The following RPP30 variants were observed in gnomAD, a reference collection of about 807,000 sequenced individuals.
RPP30 encodes ribonuclease P protein subunit p30.
Under a neutral mutation model 38.6 loss-of-function variants are expected in RPP30, and 36 were observed. The ratio of observed to expected loss-of-function variants is 0.93; its 90% CI spans 0.71 to 1.23. The LOEUF (loss-of-function observed/expected upper bound fraction) is 1.23. RPP30 is among the 50% of genes most tolerant of loss of function. The pLI is 0.00. For synonymous variants in RPP30, 126 were observed against 112.7 expected (o/e 1.12, Z -0.75); for missense variants, 321 against 321.7 (o/e 1.00, Z 0.02).
chr10:90,904,918 T>C (rs548783864), downstream of RPP30, among the ~76,000 whole-genome samples: 2 of 152,304 alleles, frequency 1.3e-5, no homozygotes, highest in African/African-American at 4.8e-5. Flanking sequence ...AATCTCTATC[T>C]CACACCCAAT....
At position 90,879,134 on chromosome 10, in the gene RPP30, T is replaced by C; in HGVS notation, c.342T>C (p.His114=). 1 of 1,612,106 alleles carries C rather than the reference T, an allele frequency of 6.2e-7. No individual in the cohort carries two copies. Among genetic ancestry groups the C allele is most frequent in the Non-Finnish European group, 8.5e-7 (1 of 1,178,228 alleles). ...TTCCAAAGACAGAAAAGCTTTTTCA[T>C]GTGAGTAACAGATAAGTAAAAGAAA... ...AVFPKTEKLF[H]IACTHLDVDL... The change falls in exon 5 of 11, where the codon CAT becomes CAC. Residue 114 remains histidine (H), a splice_region_variant and synonymous_variant. Coordinates refer to ENST00000371703, the MANE Select transcript of RPP30 (RefSeq NM_006413.5).
chr10:90,886,550 C>T (rs1847001901), intron 6 of RPP30, among the ~76,000 whole-genome samples: 2 of 152,276 alleles, frequency 1.3e-5, no homozygotes. Context: ...CCTCCCATTT[C>T]CATCATAAGG....
At chr10:90,890,550 T>C (rs554021356) in intron 6 of RPP30, among the ~76,000 whole-genome samples, 19 of 152,318 alleles carry the variant, frequency 1.2e-4, no homozygotes, top group African/African-American at 4.1e-4. Flanking sequence ...GTTCCATGAA[T>C]CATGCTATAA....
chr10:90,882,263 A>G (rs984357581), intron 5 of RPP30, among the ~76,000 whole-genome samples: 1 of 152,204 alleles, frequency 6.6e-6, no homozygotes, highest in Non-Finnish European at 1.5e-5. Context: ...AGTTTAAAAA[A>G]TTTTTGAGCC....
chr10:90,879,749 CGT>C (rs1846898935), intron 5 of RPP30, among the ~76,000 whole-genome samples: 2 of 152,138 alleles, frequency 1.3e-5, no homozygotes, highest in African/African-American at 4.8e-5. Flanking sequence ...AGGAGCTTAA[CGT>C]GTATGCTTGT....
intron 4 of RPP30, among the ~76,000 whole-genome samples, chr10:90,877,243 C>CAGAGGT (rs1376633161): frequency 6.6e-6 from 1 of 151,750 alleles, no homozygotes; most frequent in Non-Finnish European, 1.5e-5. Context: ...GCCAGAGAGG[C>CAGAGGT]AGAGGTTGCA....
chr10:90,874,794 G>C (rs2120180303), intron 1 of RPP30, 75 bp from the exon 2 acceptor site: 1 of 934,570 alleles, frequency 1.1e-6, no homozygotes, highest in Middle Eastern at 2.3e-4. Flanking sequence ...TTGACATCTA[G>C]ACTCAGGATG....
intron 1 of RPP30, 140 bp downstream of exon 1, chr10:90,872,208 G>C (rs1213885149): frequency 6.9e-6 from 5 of 725,570 alleles, no homozygotes; most frequent in Non-Finnish European, 1.2e-5. Flanking sequence ...GATGCCCGCC[G>C]AGGTGTTGGT....
chr10:90,902,945 T>A (rs950569675), downstream of RPP30, among the ~76,000 whole-genome samples: 2 of 152,206 alleles, frequency 1.3e-5, no homozygotes, highest in African/African-American at 4.8e-5. Context: ...ACAAATCTGT[T>A]TAAGGCAGCT....
At chr10:90,883,431 G>C (rs1269070815) in intron 5 of RPP30, among the ~76,000 whole-genome samples, 1 of 152,006 alleles carries the variant, frequency 6.6e-6, no homozygotes, top group Non-Finnish European at 1.5e-5. Context: ...TATAGAAAGC[G>C]TTTCATTGTA....
In RPP30 at chr10:90,900,637, AGAT is replaced by A; in HGVS notation, c.766_768del (p.Asp256del). The A allele has an allele frequency of 6.2e-7, 1 of 1,613,750 alleles. No homozygotes were observed. Among genetic ancestry groups the A allele is most frequent in the Non-Finnish European group, 8.5e-7 (1 of 1,179,814 alleles). On this transcript the variant is annotated inframe_deletion, in exon 11 of 11. Coordinates refer to ENST00000371703, the MANE Select transcript of RPP30 (RefSeq NM_006413.5). The stretch of plus-strand genomic sequence containing the variant: ...AACCTCGGCCATCAGAAGGAGATGA[AGAT>A]TGTCTTCCAGCTTCCAAGAAAGCCA...
chr10:90,886,724 A>G (rs1361192327), intron 6 of RPP30, among the ~76,000 whole-genome samples: 1 of 152,224 alleles, frequency 6.6e-6, no homozygotes, highest in African/African-American at 2.4e-5. Context: ...TCCAAGGAGA[A>G]AAAAAAGAGT....
chr10:90,897,118 A>G (rs1360468957), intron 10 of RPP30, among the ~76,000 whole-genome samples: 1 of 152,206 alleles, frequency 6.6e-6, no homozygotes, highest in Non-Finnish European at 1.5e-5. Context: ...TTTCCTGCTC[A>G]TCAGATGTTA....
chr10:90,907,467 A>C (rs1237087839), downstream of RPP30, among the ~76,000 whole-genome samples: 1 of 152,332 alleles, frequency 6.6e-6, no homozygotes, highest in Non-Finnish European at 1.5e-5. Context: ...TCACAACTCT[A>C]TATGTGTCTA....
chr10:90,886,791 T>A (rs954272282), intron 6 of RPP30, among the ~76,000 whole-genome samples: 3 of 152,220 alleles, frequency 2.0e-5, no homozygotes, highest in African/African-American at 7.2e-5. Flanking sequence ...AAGATTAATT[T>A]TTTTTAAGTT....
chr10:90,872,171 A>G (rs776667067), intron 1 of RPP30, 103 bp downstream of exon 1: 4 of 1,005,098 alleles, frequency 4.0e-6, no homozygotes, highest in Non-Finnish European at 6.3e-6. Context: ...CAGGTCTCCC[A>G]GAGTCTCTGG....
At chr10:90,892,672 T>C (rs1847096513) in intron 6 of RPP30, among the ~76,000 whole-genome samples, 1 of 152,194 alleles carries the variant, frequency 6.6e-6, no homozygotes, top group Admixed American at 6.6e-5. Context: ...GTTCCACAAC[T>C]AGAAGGATAA....
In RPP30 at chr10:90,883,602, A is replaced by G. The variant is rs893051172; in HGVS notation, c.343-2210A>G. Among the ~76,000 whole-genome samples the G allele has an allele frequency of 4.6e-5, 7 of 152,214 alleles. 1 individual carries two copies. Among genetic ancestry groups the G allele is most frequent in the African/African-American group, 1.7e-4 (7 of 41,454 alleles). On this transcript the variant is annotated intron_variant, in intron 5 of 10. Transcript: ENST00000371703. ...TGTCCCTTGTAACTAAAAGTTTATT[A>G]TAATGCATGTATTTGCACGTACTTA...
In RPP30 at chr10:90,902,039, C is replaced by T. The variant is rs1847209697; in HGVS notation, c.*1360C>T. On this transcript the variant is annotated 3_prime_UTR_variant, in exon 11 of 11. Coordinates refer to ENST00000371703, the MANE Select transcript of RPP30 (RefSeq NM_006413.5). Reference sequence around the variant, plus strand: ...GTCTCAATCTCCTGACCTCATATTCCACCCGCCTCGGCCTCCCAAAGTGCT... The same window carrying T: ...GTCTCAATCTCCTGACCTCATATTCTACCCGCCTCGGCCTCCCAAAGTGCT... 1 of 658,764 alleles carries T rather than the reference C, an allele frequency of 1.5e-6. No homozygotes were observed. The allele number at this position is 658,764 out of a possible 1,614,324, so 40.8% of individuals were successfully genotyped here.
Sources: gnomAD v4.1 joint callset for allele counts (sites outside exome capture counted in the v4.1 genomes callset) on GRCh38, gnomAD v4.1.1 for gene constraint, MANE v1.5 for transcripts, NCBI Gene and HGNC (gene_info 2026-07-23, HGNC 2026-07-21) for gene names.